The following TENM2 variants were observed in gnomAD, a reference collection of about 807,000 sequenced individuals.
The protein encoded by TENM2 is teneurin transmembrane protein 2.
A neutral mutation model predicts 245.2 loss-of-function variants in TENM2; 52 were observed. The observed-to-expected ratio is 0.21, with a 90% CI of 0.17 to 0.27. The LOEUF (loss-of-function observed/expected upper bound fraction) is 0.27. Ranked by LOEUF, TENM2 falls within the 10% of genes least tolerant of loss-of-function variation. TENM2 has a pLI of 1.00. For missense variants in TENM2, 3,046 were observed against 3,666.8 expected (o/e 0.83, Z 4.37); for synonymous variants, 1,363 against 1,438.9 (o/e 0.95, Z 1.19).
At chr5:168,076,797 G>A (rs1791516969) in intron 7 of TENM2, among the ~76,000 whole-genome samples, 1 of 152,194 alleles carries the variant, frequency 6.6e-6, no homozygotes, top group Non-Finnish European at 1.5e-5. Context: ...GGCCTTCTAA[G>A]TGAAACCAGA....
intron 1 of TENM2, chr5:167,294,105 T>C (rs1754813496): frequency 6.6e-6 from 1 of 152,058 alleles, no homozygotes; most frequent in South Asian, 2.1e-4. Flanking sequence ...ACTGATGGGG[T>C]AAGCAGGCTA....
At position 168,067,393 on chromosome 5, in the gene TENM2, A is replaced by T. The variant is rs527388209; in HGVS notation, c.1515+5128A>T. On this transcript the variant is annotated intron_variant, in intron 7 of 28. Transcript: ENST00000518659. ...TTAAGAGACCACAAATTGTCCCATGATCATACCAAATAAATGCAAATATGG... is the reference window on the plus strand; with the variant it reads ...TTAAGAGACCACAAATTGTCCCATGTTCATACCAAATAAATGCAAATATGG... Among the ~76,000 whole-genome samples the T allele has an allele frequency of 2.0e-5, 3 of 152,314 alleles. No homozygotes were observed. The East Asian group carries it at 5.8e-4, about 29-fold the overall frequency.
At chr5:167,297,702 G>A (rs1248441851) in intron 1 of TENM2, among the ~76,000 whole-genome samples, 2 of 149,862 alleles carry the variant, frequency 1.3e-5, no homozygotes, top group Non-Finnish European at 2.9e-5. Context: ...TTTCACCTGG[G>A]TGCAGGCGGG....
At chr5:167,615,129 C>G (rs1422290642) in intron 2 of TENM2, among the ~76,000 whole-genome samples, 2 of 152,124 alleles carry the variant, frequency 1.3e-5, no homozygotes, top group African/African-American at 4.8e-5. Context: ...CGATTCAGAA[C>G]AAAACATACA....
At chr5:167,622,069 A>G (rs912585561) in intron 2 of TENM2, among the ~76,000 whole-genome samples, 1 of 152,206 alleles carries the variant, frequency 6.6e-6, no homozygotes, top group African/African-American at 2.4e-5. Flanking sequence ...CTGGATCTTA[A>G]TAAGATTACA....
Position 168,215,026 on chromosome 5 carries a change from T to A in TENM2, c.3846-14T>A, listed in dbSNP as rs1427853393. 1 of 1,612,728 alleles carries A rather than the reference T, an allele frequency of 6.2e-7. No individual in the cohort carries two copies. Among genetic ancestry groups the A allele is most frequent in the Non-Finnish European group, 8.5e-7 (1 of 1,178,976 alleles). ...GCCCCCTCCTCATTTCTCTTTGTGC[T>A]TCTTCTACTAAAGCAACAACCCAGC... On this transcript the variant is annotated splice_polypyrimidine_tract_variant and intron_variant, in intron 20 of 28. Coordinates refer to ENST00000518659, the Ensembl canonical transcript of TENM2.
chr5:167,514,343 G>C (rs1770167812), intron 2 of TENM2, among the ~76,000 whole-genome samples: 1 of 152,116 alleles, frequency 6.6e-6, no homozygotes, highest in Non-Finnish European at 1.5e-5. Context: ...TCAGGTAAAT[G>C]AGACCATAAA....
chr5:167,307,493 G>C (rs916805158), intron 1 of TENM2, among the ~76,000 whole-genome samples: 1 of 152,046 alleles, frequency 6.6e-6, no homozygotes, highest in African/African-American at 2.4e-5. Flanking sequence ...AAAATGCCAC[G>C]ACCACCGAAT....
At chr5:167,229,291 C>T in the TENM2 span, among the ~76,000 whole-genome samples, 7 of 152,170 alleles carry the variant, frequency 4.6e-5, no homozygotes, top group African/African-American at 1.2e-4. Flanking sequence ...TGTGCCTGTC[C>T]TTGGGCCACA....
chr5:168,078,657 G>T (rs1254355367), intron 7 of TENM2, among the ~76,000 whole-genome samples: 1 of 152,132 alleles, frequency 6.6e-6, no homozygotes, highest in African/African-American at 2.4e-5. Context: ...TGGCTAGCCA[G>T]TTTTCCCAGC....
Position 167,426,742 on chromosome 5 carries a change from G to A in TENM2, c.502+51269G>A, listed in dbSNP as rs368149724. On this transcript the variant is annotated intron_variant, in intron 2 of 28. Coordinates refer to ENST00000518659, the Ensembl canonical transcript of TENM2. ...TTTGAGCTATTTCTTCATCGTACCT[G>A]TGTTTACTTTGAGAGTTTATCAGCG... is the stretch of plus-strand genomic sequence containing the variant. Among the ~76,000 whole-genome samples, 205 of 152,068 alleles carry A rather than the reference G, an allele frequency of 1.3e-3. 9 individuals are homozygous for A. In the South Asian group the frequency reaches 0.041, roughly 30 times the overall value.
At chr5:166,990,423 G>T in the TENM2 span, among the ~76,000 whole-genome samples, 3 of 152,188 alleles carry the variant, frequency 2.0e-5, no homozygotes, top group Admixed American at 2.0e-4. Flanking sequence ...ATACTGAAGT[G>T]TTATTAATAA....
intron 1 of TENM2, among the ~76,000 whole-genome samples, chr5:167,374,001 T>C (rs921334822): frequency 1.3e-5 from 2 of 152,202 alleles, no homozygotes; most frequent in Non-Finnish European, 2.9e-5. Flanking sequence ...TCACTTTCCG[T>C]AAGTGAGGCC....
At chr5:167,254,856 A>T in the TENM2 span, among the ~76,000 whole-genome samples, 1 of 152,020 alleles carries the variant, frequency 6.6e-6, no homozygotes, top group African/African-American at 2.4e-5. Flanking sequence ...TTAGGAAGCA[A>T]GTGAGTGCTA....
chr5:168,225,287 A>G (rs1013793060), intron 23 of TENM2, among the ~76,000 whole-genome samples: 1 of 152,196 alleles, frequency 6.6e-6, no homozygotes, highest in African/African-American at 2.4e-5. Flanking sequence ...AGGAGATGAC[A>G]AGTGAGACAA....
chr5:167,035,323 G>A, the TENM2 span, among the ~76,000 whole-genome samples: 1 of 152,108 alleles, frequency 6.6e-6, no homozygotes, highest in East Asian at 1.9e-4. Context: ...TATTAGATGA[G>A]TGATCCTCGA....
At chr5:167,254,262 AG>A in the TENM2 span, among the ~76,000 whole-genome samples, 1 of 152,158 alleles carries the variant, frequency 6.6e-6, no homozygotes, top group Non-Finnish European at 1.5e-5. Flanking sequence ...TGCCTTCTTG[AG>A]ACCTTTCCCA....
chr5:168,149,714 G>C (rs1562218741), intron 12 of TENM2, among the ~76,000 whole-genome samples: 1 of 152,116 alleles, frequency 6.6e-6, no homozygotes, highest in East Asian at 1.9e-4. Context: ...ACTCATGTCA[G>C]ATCAGGCCAC....
At chr5:167,757,574 C>G (rs146920186) in intron 2 of TENM2, among the ~76,000 whole-genome samples, 16,462 of 152,114 alleles carry the variant, frequency 0.11, 1,509 homozygotes, top group East Asian at 0.44. Flanking sequence ...GTCTTTATAG[C>G]AGAATGATTT....
Sources: allele counts gnomAD v4.1 joint callset (sites outside exome capture counted in the v4.1 genomes callset), GRCh38; gene constraint gnomAD v4.1.1; transcripts MANE v1.5; gene names NCBI Gene and HGNC (gene_info 2026-07-23, HGNC 2026-07-21).